Variants in CHL1 observed in about 807,000 individuals in gnomAD.
CHL1 encodes cell adhesion molecule L1 like.
A neutral mutation model predicts 141.9 loss-of-function variants in CHL1; 96 were observed. The ratio of observed to expected loss-of-function variants is 0.68; its 90% confidence interval spans 0.57 to 0.80. The LOEUF (loss-of-function observed/expected upper bound fraction) is 0.80. Among genes scored for constraint, CHL1 ranks in the 30% least tolerant of loss-of-function variants. The probability of loss-of-function intolerance (pLI) is 0.00; values close to 1 mark genes in which losing one functional copy is unlikely to be tolerated. For missense variants in CHL1, 1,820 were observed against 1,457.2 expected, an observed-to-expected ratio of 1.25 and a Z score of -4.05; for synonymous variants, 613 against 502.2, an observed-to-expected ratio of 1.22 and a Z score of -2.95.
intron 17 of CHL1, 31 bp from the exon 18 acceptor site, chr3:382,443 T>G (rs372358012): frequency 2.2e-5 from 35 of 1,574,374 alleles, no homozygotes; most frequent in Non-Finnish European, 2.9e-5. Flanking sequence ...CTCCATACAT[T>G]CTAATATTTT....
chr3:310,083 GACAA>G (rs1407767597), intron 2 of CHL1, among the ~76,000 whole-genome samples: 1 of 152,078 alleles, frequency 6.6e-6, no homozygotes, highest in Non-Finnish European at 1.5e-5. Flanking sequence ...ATAAAGAGGA[GACAA>G]ACAGAGGGGA....
rs186134275 is a variant in CHL1 at position 326,563 on chromosome 3, T to A, written c.197+499T>A. 2.9e-3 allele frequency among the ~76,000 whole-genome samples: 442 copies of A among 152,070 alleles called. 2 individuals carry two copies. Among genetic ancestry groups the A allele is most frequent in the African/African-American group, 9.4e-3 (390 of 41,536 alleles). On this transcript the variant is annotated intron_variant, in intron 4 of 27. Transcript: ENST00000256509. Reference sequence around the variant, plus strand: ...GGTGGCAGAGTACTATTGCATGATATACTACTATCTAGTATTATTTTATTT... The same window carrying A: ...GGTGGCAGAGTACTATTGCATGATAAACTACTATCTAGTATTATTTTATTT...
intron 14 of CHL1, 36 bp downstream of exon 14, chr3:363,419 C>T (rs776502261): frequency 1.1e-5 from 17 of 1,559,238 alleles, no homozygotes; most frequent in Non-Finnish European, 1.4e-5. Flanking sequence ...CATGAATTGT[C>T]ACATGGGTTC....
In CHL1 at chr3:382,277, A is replaced by G; in HGVS notation, c.1975A>G (p.Ser659Gly). 1 of 1,612,554 alleles carries G rather than the reference A, an allele frequency of 6.2e-7. No individual in the cohort carries two copies. Among genetic ancestry groups the G allele is most frequent in the Non-Finnish European group, 8.5e-7 (1 of 1,178,744 alleles). The change falls in exon 17 of 28, where the codon AGC becomes GGC. Residue 659 changes from serine (S) to glycine (G), a missense_variant. Physicochemically the swap from Ser to Gly is moderately conservative, Grantham distance 56. Coordinates refer to ENST00000256509, the MANE Select transcript of CHL1 (RefSeq NM_006614.4). The part of the protein sequence containing the change: ...EAGADHNSNI[S>G]EYIVEFEGNK... ...TGGAGCTGACCACAACAGCAATATT[A>G]GCGGTAGGAAGACTTGGGATAACTG... is the stretch of plus-strand genomic sequence containing the variant.
chr3:388,736 C>A (rs998708927), intron 19 of CHL1, among the ~76,000 whole-genome samples: 1 of 151,932 alleles, frequency 6.6e-6, no homozygotes, highest in African/African-American at 2.4e-5. Context: ...TCATATTCTC[C>A]AAAAATATTT....
intron 16 of CHL1, 27 bp from the exon 17 acceptor site, chr3:382,152 T>C (rs746005337): frequency 6.3e-7 from 1 of 1,578,630 alleles, no homozygotes; most frequent in Admixed American, 1.7e-5. Flanking sequence ...GGCAATTATC[T>C]ACATTTTCCC....
intron 5 of CHL1, among the ~76,000 whole-genome samples, chr3:332,593 C>T (rs953037431): frequency 9.9e-5 from 15 of 152,080 alleles, no homozygotes; most frequent in African/African-American, 3.1e-4. Context: ...TGAAGCATCC[C>T]GTTTGTCTCA....
rs1708167139 is a variant in CHL1 at position 390,889 on chromosome 3, CAGA to C, written c.2587-60_2587-58del. 3 of 1,523,256 alleles carry C rather than the reference CAGA, an allele frequency of 2.0e-6. No homozygotes were observed. The South Asian group carries it at 3.4e-5, about 17-fold the overall frequency. The allele number at this position is 1,523,256 out of a possible 1,614,324, so 94.4% of individuals were successfully genotyped here. ...CCTGAGAATAAAGAAGAATTGATTT[CAGA>C]AGAAGTCAAAGAGAATCTGCGACCA... On this transcript the variant is annotated intron_variant, in intron 21 of 27. Coordinates refer to ENST00000256509, the MANE Select transcript of CHL1 (RefSeq NM_006614.4).
intron 15 of CHL1, among the ~76,000 whole-genome samples, chr3:372,426 G>C (rs1705755970): frequency 1.3e-5 from 2 of 152,082 alleles, no homozygotes; most frequent in Non-Finnish European, 2.9e-5. Flanking sequence ...TATGCTTCAT[G>C]AAGTTCTCCT....
chr3:371,492 T>A (rs565377293), intron 15 of CHL1, among the ~76,000 whole-genome samples: 1 of 152,342 alleles, frequency 6.6e-6, no homozygotes, highest in African/African-American at 2.4e-5. Context: ...TTTGAATCTA[T>A]GTGTGTCTTT....
intron 2 of CHL1, among the ~76,000 whole-genome samples, chr3:256,553 A>G (rs1199148232): frequency 1.3e-5 from 2 of 152,192 alleles, no homozygotes; most frequent in African/African-American, 4.8e-5. Context: ...TGAGGGAGAG[A>G]CTTGCACCTG....
chr3:392,960 A>ATCAAGTATAC (rs1553605195), intron 23 of CHL1, among the ~76,000 whole-genome samples: 4 of 151,860 alleles, frequency 2.6e-5, no homozygotes, highest in Non-Finnish European at 5.9e-5. Context: ...ATTGATGTAC[A>ATCAAGTATAC]TCAGAGTCAA....
At chr3:333,231 G>A (rs1701605949) in intron 5 of CHL1, among the ~76,000 whole-genome samples, 1 of 146,272 alleles carries the variant, frequency 6.8e-6, no homozygotes, top group Admixed American at 7.2e-5. Context: ...TCATCTGACA[G>A]CTTTCTGCAA....
intron 1 of CHL1, among the ~76,000 whole-genome samples, chr3:211,745 G>C (rs865987246): frequency 6.6e-6 from 1 of 152,130 alleles, no homozygotes; most frequent in Non-Finnish European, 1.5e-5. Flanking sequence ...GGCAAAATGC[G>C]ATATACACAA....
At chr3:242,583 G>A (rs962074465) in intron 1 of CHL1, among the ~76,000 whole-genome samples, 7 of 148,702 alleles carry the variant, frequency 4.7e-5, no homozygotes, top group Non-Finnish European at 8.9e-5. Flanking sequence ...GTAACAGAGT[G>A]GGACTCCATC....
intron 24 of CHL1, among the ~76,000 whole-genome samples, chr3:395,108 G>A (rs1432453093): frequency 6.6e-6 from 1 of 152,140 alleles, no homozygotes; most frequent in Non-Finnish European, 1.5e-5. Context: ...TCAAATTATA[G>A]CTTAGTGTAT....
At chr3:344,376 G>C (rs961222081) in intron 8 of CHL1, among the ~76,000 whole-genome samples, 1 of 151,734 alleles carries the variant, frequency 6.6e-6, no homozygotes, top group Non-Finnish European at 1.5e-5. Flanking sequence ...GCAGTGCTAC[G>C]CTCAGTAAAA....
chr3:242,570 T>C lies in CHL1; in HGVS notation c.-174-2043T>C, dbSNP rs1006266688. The stretch of plus-strand genomic sequence containing the variant: ...GAGATTGTGCCACTGCACTCCAGCC[T>C]GGGTAACAGAGTGGGACTCCATCTC... On this transcript the variant is annotated intron_variant, in intron 1 of 27. Transcript: ENST00000256509. Among the ~76,000 whole-genome samples the C allele has an allele frequency of 2.0e-5, 3 of 151,640 alleles. No individual in the cohort carries two copies. The South Asian group carries it at 6.3e-4, about 32-fold the overall frequency.
At chr3:242,392 C>G (rs376052917) in intron 1 of CHL1, among the ~76,000 whole-genome samples, 62 of 141,088 alleles carry the variant, frequency 4.4e-4, no homozygotes, top group South Asian at 1.5e-3. Context: ...GTCAGGAGAT[C>G]GAGACCATCC....
Sources: allele counts gnomAD v4.1 joint callset (sites outside exome capture counted in the v4.1 genomes callset), GRCh38; gene constraint gnomAD v4.1.1; transcripts MANE v1.5; gene names NCBI Gene and HGNC (gene_info 2026-07-23, HGNC 2026-07-21).